The following CNTNAP3B variants were observed in gnomAD, a reference collection of about 807,000 sequenced individuals.
CNTNAP3B encodes contactin-associated protein-like 3B.
In CNTNAP3B, 25 loss-of-function variants were observed where a neutral mutation model predicts 108.9. That is an observed-to-expected ratio of 0.23 (90% confidence interval 0.17 to 0.32). The LOEUF (loss-of-function observed/expected upper bound fraction) is 0.32, where lower values mean the gene tolerates loss of function less well. Ranked by LOEUF, CNTNAP3B falls within the 10% of genes least tolerant of loss-of-function variation. The probability of loss-of-function intolerance (pLI) is 1.00; values close to 1 mark genes in which losing one functional copy is unlikely to be tolerated. For synonymous variants in CNTNAP3B, 103 were observed against 473.4 expected (o/e 0.22, Z 10.16); for missense variants, 252 against 1,210.4 (o/e 0.21, Z 11.75).
chr9:41,930,129 T>C (rs1390245474), intron 14 of CNTNAP3B, among the ~76,000 whole-genome samples: 2 of 152,304 alleles, frequency 1.3e-5, no homozygotes, highest in Non-Finnish European at 2.9e-5. Flanking sequence ...CCTTGTTAAC[T>C]TTGTAAATGC....
intron 1 of CNTNAP3B, among the ~76,000 whole-genome samples, chr9:42,122,031 AC>A (rs1224659117): frequency 7.1e-6 from 1 of 140,000 alleles, no homozygotes; most frequent in Non-Finnish European, 1.5e-5. Context: ...GGATGTGTGC[AC>A]ACGCAGTGGG....
chr9:42,063,889 T>C (rs1195699855), intron 3 of CNTNAP3B, among the ~76,000 whole-genome samples: 1 of 150,422 alleles, frequency 6.6e-6, no homozygotes, highest in Non-Finnish European at 1.5e-5. Flanking sequence ...ACCCAGCCTA[T>C]TGTTTCTTTA....
intron 3 of CNTNAP3B, among the ~76,000 whole-genome samples, chr9:42,071,830 T>C (rs1317378321): frequency 3.4e-5 from 5 of 147,672 alleles, no homozygotes; most frequent in Non-Finnish European, 6.0e-5. Context: ...ATGGAAGTCA[T>C]TGGTAACTCC....
intron 3 of CNTNAP3B, among the ~76,000 whole-genome samples, chr9:42,042,926 A>G (rs1336219515): frequency 1.4e-5 from 2 of 147,020 alleles, no homozygotes; most frequent in Non-Finnish European, 3.0e-5. Context: ...TTTTTAACTA[A>G]TTGACTTTTT....
intron 10 of CNTNAP3B, among the ~76,000 whole-genome samples, chr9:41,966,681 A>T (rs1291717352): frequency 1.3e-5 from 2 of 152,276 alleles, no homozygotes; most frequent in African/African-American, 4.8e-5. Flanking sequence ...GTTAAAACCT[A>T]TCCTGGCTGG....
chr9:42,057,204 C>CT (rs200761397), intron 3 of CNTNAP3B, among the ~76,000 whole-genome samples: 2 of 19,786 alleles, frequency 1.0e-4, no homozygotes, highest in Non-Finnish European at 2.0e-4. Flanking sequence ...TTATTATGTA[C>CT]TTTTTTTTTT....
chr9:41,936,286 AC>A lies in CNTNAP3B; in HGVS notation c.2237+1957del, dbSNP rs1824154297. On this transcript the variant is annotated intron_variant, in intron 14 of 23. Transcript: ENST00000377561. The stretch of plus-strand genomic sequence containing the variant: ...AGAGAGACTCTGTCTCAAAACAAAA[AC>A]AAAACAAAACGGTTAACATTCTTCG... Among the ~76,000 whole-genome samples the A allele has an allele frequency of 6.6e-5, 10 of 150,914 alleles. No homozygotes were observed. In the South Asian group the frequency reaches 1.9e-3, roughly 28 times the overall value.
chr9:42,043,068 GGTCA>G (rs1421309586), intron 3 of CNTNAP3B, among the ~76,000 whole-genome samples: 3 of 148,146 alleles, frequency 2.0e-5, no homozygotes, highest in East Asian at 2.0e-4. Flanking sequence ...GCTCAGAGAT[GGTCA>G]GTATTTCATT....
intron 2 of CNTNAP3B, among the ~76,000 whole-genome samples, chr9:42,084,040 G>C (rs1394517825): frequency 6.8e-6 from 1 of 146,898 alleles, no homozygotes; most frequent in Non-Finnish European, 1.5e-5. Context: ...AGTCCACTGA[G>C]AACTCTATTT....
rs1418051224 is a variant in CNTNAP3B at position 42,091,665 on chromosome 9, GAAA to G, written c.196+12961_196+12963del. 2.0e-4 allele frequency among the ~76,000 whole-genome samples: 8 copies of G among 39,104 alleles called. 1 individual carries two copies. 25.7% of individuals were successfully genotyped at this position (39,104 alleles called of 152,430 possible). ...TATACAATTCCTCATTCTGGTTTAG[GAAA>G]AATTACAAATCAGTTTAAAACTATT... is the stretch of plus-strand genomic sequence containing the variant. On this transcript the variant is annotated intron_variant, in intron 2 of 23. Coordinates refer to ENST00000377561, the MANE Select transcript of CNTNAP3B (RefSeq NM_001201380.3).
At chr9:41,920,752 A>G (rs1413000570) in intron 17 of CNTNAP3B, among the ~76,000 whole-genome samples, 16 of 152,262 alleles carry the variant, frequency 1.1e-4, no homozygotes, top group African/African-American at 3.4e-4. Flanking sequence ...ATTTTTCACA[A>G]TAATAAAAAT....
chr9:41,936,240 G>A (rs1407962433), intron 14 of CNTNAP3B, among the ~76,000 whole-genome samples: 1 of 152,056 alleles, frequency 6.6e-6, no homozygotes, highest in Non-Finnish European at 1.5e-5. Flanking sequence ...TCGCACCACT[G>A]CATTCCAGCC....
At chr9:41,928,195 A>C (rs2117993255) in intron 15 of CNTNAP3B, among the ~76,000 whole-genome samples, 1 of 152,396 alleles carries the variant, frequency 6.6e-6, no homozygotes, top group African/African-American at 2.4e-5. Flanking sequence ...ATGGATGCTG[A>C]TAGAAAACAC....
intron 7 of CNTNAP3B, chr9:41,994,658 G>A: frequency 2.1e-6 from 1 of 473,894 alleles, no homozygotes; most frequent in Non-Finnish European, 3.7e-6. Context: ...AAAGTTCATG[G>A]GCTTCACAGC....
At chr9:41,926,817 C>T (rs1823833669) in intron 15 of CNTNAP3B, 1 of 152,346 alleles carries the variant, frequency 6.6e-6, no homozygotes, top group Admixed American at 6.5e-5. Flanking sequence ...ATGACATATC[C>T]TGAAGAGTCT....
intron 3 of CNTNAP3B, among the ~76,000 whole-genome samples, chr9:42,076,443 A>AACC (rs373712677): frequency 1.0e-5 from 1 of 96,892 alleles, no homozygotes; most frequent in Non-Finnish European, 2.1e-5. Context: ...AAAAAAAAAA[A>AACC]AACAAGAAAA....
At chr9:41,942,567 C>T (rs1293597088) in intron 13 of CNTNAP3B, among the ~76,000 whole-genome samples, 8 of 149,474 alleles carry the variant, frequency 5.4e-5, no homozygotes, top group South Asian at 2.1e-4. Flanking sequence ...GCTGAGATGG[C>T]GCCACTGCAC....
chr9:41,950,702 A>T (rs1464869705), intron 13 of CNTNAP3B, among the ~76,000 whole-genome samples: 1 of 151,260 alleles, frequency 6.6e-6, no homozygotes, highest in African/African-American at 2.4e-5. Context: ...GAAATGGAGA[A>T]CATACTAGTG....
intron 2 of CNTNAP3B, among the ~76,000 whole-genome samples, chr9:42,087,652 A>G (rs1230657872): frequency 7.1e-6 from 1 of 141,708 alleles, no homozygotes; most frequent in Non-Finnish European, 1.5e-5. Flanking sequence ...CTTTAATTTT[A>G]GCCATCCTAG....
Sources: allele counts gnomAD v4.1 joint callset (sites outside exome capture counted in the v4.1 genomes callset), GRCh38; gene constraint gnomAD v4.1.1; transcripts MANE v1.5; gene names NCBI Gene and HGNC (gene_info 2026-07-23, HGNC 2026-07-21).